ERCC6: variants seen among roughly 807,000 people sequenced by gnomAD.
ERCC6 encodes DNA excision repair protein ERCC-6.
In ERCC6, 116 loss-of-function variants were observed where a neutral mutation model predicts 158.7. That is an observed-to-expected ratio of 0.73 (90% CI 0.63 to 0.85). The LOEUF (loss-of-function observed/expected upper bound fraction) is 0.85. ERCC6 is among the 40% of genes least tolerant of loss of function. The pLI is 0.00. For synonymous variants in ERCC6, 678 were observed against 659.3 expected (o/e 1.03, Z -0.43); for missense variants, 1,698 against 1,799.4 (o/e 0.94, Z 1.02).
rs760790493 is a variant in ERCC6, at chr10:49,461,397, G to A, written c.3938C>T (p.Thr1313Ile). The change falls in exon 19 of 21, where the codon ACC (threonine) becomes ATC (isoleucine). Residue 1313 changes from threonine (T) to isoleucine (I), a missense_variant. Physicochemically the swap from Thr to Ile is moderately conservative, Grantham distance 89. Coordinates refer to ENST00000355832, the MANE Select transcript of ERCC6 (RefSeq NM_000124.4). ...RCLGAVSGVP[T>I]WTGHRGISGA... The stretch of plus-strand genomic sequence containing the variant: ...AGAAATCCCCCTGTGGCCAGTCCAG[G>A]TGGGAACACCAGACACTGCTCCCAG... 5 of 1,613,852 alleles carry A rather than the reference G, an allele frequency of 3.1e-6. No individual in the cohort carries two copies. In the African/African-American group the frequency reaches 5.3e-5, roughly 17 times the overall value.
chr10:49,499,739 T>C (rs1851325315), intron 7 of ERCC6, among the ~76,000 whole-genome samples: 1 of 152,242 alleles, frequency 6.6e-6, no homozygotes, highest in Non-Finnish European at 1.5e-5. Flanking sequence ...GTGCTCATAG[T>C]ACTTTCTTTC....
At chr10:49,506,509 G>A (rs1851446041) in intron 5 of ERCC6, 1 of 164,270 alleles carries the variant, frequency 6.1e-6, no homozygotes, top group Non-Finnish European at 1.3e-5. Context: ...CAAAATCACT[G>A]AATCAGGTTC....
chr10:49,523,078 G>A (rs1467500942), intron 5 of ERCC6, among the ~76,000 whole-genome samples: 12 of 152,110 alleles, frequency 7.9e-5, no homozygotes, highest in Admixed American at 7.2e-4. Context: ...CACTCACAAA[G>A]GCCAATAAAT....
Position 49,478,565 on chromosome 10 carries a change from AAAG to A in ERCC6, c.2170-98_2170-96del, listed in dbSNP as rs202089085. ...TTGCTTCCATTCCTTAAAAAAAAAAAAAGAATAACCAACAGCTGTATAAAGTCA... is the reference window on the plus strand; with the variant it reads ...TTGCTTCCATTCCTTAAAAAAAAAAAAATAACCAACAGCTGTATAAAGTCA... On this transcript the variant is annotated intron_variant, in intron 10 of 20. Coordinates refer to ENST00000355832, the MANE Select transcript of ERCC6 (RefSeq NM_000124.4). The A allele has an allele frequency of 4.2e-3, 3,377 of 811,766 alleles. 45 individuals are homozygous for A. The African/African-American group carries it at 0.047, about 11-fold the overall frequency. 50.3% of individuals were successfully genotyped at this position (811,766 alleles called of 1,614,324 possible).
intron 4 of ERCC6, among the ~76,000 whole-genome samples, 198 bp downstream of exon 4, chr10:49,528,219 G>C (rs1051622330): frequency 6.6e-5 from 10 of 152,222 alleles, no homozygotes; most frequent in Non-Finnish European, 1.0e-4. Context: ...TGAGTTAAAA[G>C]TTTACTTTAA....
chr10:49,464,497 C>T (rs938370173), intron 18 of ERCC6, among the ~76,000 whole-genome samples: 11 of 152,236 alleles, frequency 7.2e-5, no homozygotes, highest in South Asian at 2.1e-4. Flanking sequence ...ATTTGCATTA[C>T]GTAACGAGGA....
rs1850582742 is a variant in ERCC6, at chr10:49,461,495, T to C, written c.3840A>G (p.Val1280=). The change falls in exon 19 of 21, where the codon GTA becomes GTG. Residue 1280 remains valine (V), a synonymous_variant. Transcript: ENST00000355832. ...CTCGGTTGGCTTCTGCCTCCACCAGTACATAATCTGGGCTGGCTCCATCCA... is the reference window on the plus strand; with the variant it reads ...CTCGGTTGGCTTCTGCCTCCACCAGCACATAATCTGGGCTGGCTCCATCCA... ...AIMDGASPDY[V]LVEAEANRVA... 6.2e-7 allele frequency: 1 copy of C among 1,614,060 alleles called. No homozygotes were observed. The highest frequency in any genetic ancestry group is 1.3e-5 in the African/African-American group (1 of 74,938).
chr10:49,451,972 T>C (rs1850425148), downstream of ERCC6, among the ~76,000 whole-genome samples: 1 of 152,204 alleles, frequency 6.6e-6, no homozygotes, highest in African/African-American at 2.4e-5. Context: ...GTCTACTCTT[T>C]CATATCAGAT....
the ERCC6 span, among the ~76,000 whole-genome samples, chr10:49,443,062 G>C: frequency 7.5e-3 from 1,144 of 152,264 alleles, 15 homozygotes; most frequent in African/African-American, 0.026. Context: ...AGTGTGGCTT[G>C]GTGGGCAGGA....
intron 5 of ERCC6, among the ~76,000 whole-genome samples, chr10:49,506,824 C>T (rs1422977924): frequency 2.0e-5 from 3 of 150,984 alleles, no homozygotes; most frequent in East Asian, 1.9e-4. Flanking sequence ...AAAAAAAAGC[C>T]TCAAATTCTA....
At chr10:49,507,306 C>T (rs1008384098) in intron 5 of ERCC6, among the ~76,000 whole-genome samples, 2 of 152,088 alleles carry the variant, frequency 1.3e-5, no homozygotes, top group Non-Finnish European at 2.9e-5. Flanking sequence ...TTGCACTACA[C>T]GGTAGTAAAG....
intron 20 of ERCC6, 85 bp downstream of exon 20, chr10:49,460,287 TC>T (rs950880413): frequency 8.4e-5 from 79 of 936,808 alleles, no homozygotes; most frequent in Non-Finnish European, 1.3e-4. Flanking sequence ...ATGACCATTT[TC>T]TTCACATCCA....
chr10:49,472,776 T>C (rs1254538035), intron 15 of ERCC6, 133 bp downstream of exon 15: 167 of 1,110,836 alleles, frequency 1.5e-4, no homozygotes, highest in Non-Finnish European at 9.0e-6. Context: ...TCTTTCACGT[T>C]GAAGAACAGG....
chr10:49,478,243 G>A (rs1329387599), intron 11 of ERCC6, 111 bp downstream of exon 11: 4 of 871,326 alleles, frequency 4.6e-6, no homozygotes, highest in African/African-American at 1.6e-5. Context: ...CCTGCCCACA[G>A]TTCCAGGATC....
Position 49,461,463 on chromosome 10 carries a change from T to C in ERCC6, c.3872A>G (p.Gln1291Arg), listed in dbSNP as rs1215754351. The C allele has an allele frequency of 5.6e-6, 9 of 1,614,192 alleles. No individual in the cohort carries two copies. The highest frequency in any genetic ancestry group is 7.6e-6 in the Non-Finnish European group (9 of 1,180,028). ...GAGCCTCAGTGCTTTCAGGGCATCCTGGGCCACTCGGTTGGCTTCTGCCTC... is the reference window on the plus strand; with the variant it reads ...GAGCCTCAGTGCTTTCAGGGCATCCCGGGCCACTCGGTTGGCTTCTGCCTC... ...LVEAEANRVAQDALKALRLSR... is the reference protein window; with the variant it reads ...LVEAEANRVARDALKALRLSR... Residue 1291 changes from glutamine (Q) to arginine (R), a missense_variant, in exon 19 of 21, where the codon CAG (glutamine) becomes CGG (arginine). Gln to Arg is a conservative substitution (Grantham distance 43). Coordinates refer to ENST00000355832, the MANE Select transcript of ERCC6 (RefSeq NM_000124.4).
chr10:49,469,801 T>C (rs1850740091), intron 18 of ERCC6, among the ~76,000 whole-genome samples: 2 of 152,242 alleles, frequency 1.3e-5, no homozygotes, highest in African/African-American at 4.8e-5. Flanking sequence ...TGTCTGTCTC[T>C]AGCCACACGC....
intron 2 of ERCC6, among the ~76,000 whole-genome samples, chr10:49,531,212 G>A (rs4253024): frequency 0.63 from 96,248 of 152,028 alleles, 32,422 homozygotes; most frequent in South Asian, 0.81. Context: ...AGCCCGTTAC[G>A]GAAGCCTTCC....
chr10:49,441,002 G>A, the ERCC6 span, among the ~76,000 whole-genome samples: 2 of 152,192 alleles, frequency 1.3e-5, no homozygotes, highest in Non-Finnish European at 2.9e-5. Context: ...GCTGTGACAG[G>A]AAGCCCAAGG....
Position 49,470,802 on chromosome 10 carries a change from C to A in ERCC6, c.3158G>T (p.Arg1053Leu), listed in dbSNP as rs1240149298. 3 of 1,614,156 alleles carry A rather than the reference C, an allele frequency of 1.9e-6. No individual in the cohort carries two copies. The highest frequency in any genetic ancestry group is 1.1e-5 in the South Asian group (1 of 91,086). Residue 1053 changes from arginine (R) to leucine (L), a missense_variant, in exon 18 of 21, where the codon CGC (arginine) becomes CTC (leucine). Arg to Leu is a moderately radical substitution (Grantham distance 102). Coordinates refer to ENST00000355832, the MANE Select transcript of ERCC6 (RefSeq NM_000124.4). ...TATGTTAGAAGCAGGGAACTTCTTG[C>A]GTTTTGGAACATCATGGTCTGCTCC... ...AFGADHDVPK[R>L]KKFPASNISV...
Sources: allele counts gnomAD v4.1 joint callset (sites outside exome capture counted in the v4.1 genomes callset), GRCh38; gene constraint gnomAD v4.1.1; transcripts MANE v1.5; gene names NCBI Gene and HGNC (gene_info 2026-07-23, HGNC 2026-07-21).